Variants in KIAA0232 observed in about 807,000 individuals in gnomAD.
The protein encoded by KIAA0232 is KIAA0232.
KIAA0232 carries 27 observed loss-of-function variants against 122.0 expected under a neutral mutation model. The ratio of observed to expected loss-of-function variants is 0.22; its 90% confidence interval spans 0.16 to 0.31. KIAA0232 has a LOEUF of 0.31. Among genes scored for constraint, KIAA0232 ranks in the 10% least tolerant of loss-of-function variants. The pLI, the probability that KIAA0232 is intolerant of heterozygous loss-of-function variation, is 1.00. For missense variants in KIAA0232, 1,551 were observed against 1,634.2 expected, an observed-to-expected ratio of 0.95 and a Z score of 0.88; for synonymous variants, 613 against 587.6, an observed-to-expected ratio of 1.04 and a Z score of -0.63.
chr4:6,847,869 A>AG (rs1269895612), intron 4 of KIAA0232, among the ~76,000 whole-genome samples: 1 of 151,860 alleles, frequency 6.6e-6, no homozygotes, highest in Non-Finnish European at 1.5e-5. Context: ...CCTTAAAAAA[A>AG]AAAACTACTT....
Position 6,862,452 on chromosome 4 carries a change from A to G in KIAA0232, c.2070A>G (p.Ile690Met), listed in dbSNP as rs1363822473. The G allele has an allele frequency of 1.2e-6, 2 of 1,614,204 alleles. No homozygotes were observed. Among genetic ancestry groups the G allele is most frequent in the South Asian group, 1.1e-5 (1 of 91,090 alleles). Residue 690 changes from isoleucine to methionine, a missense_variant, in exon 7 of 10, where the codon ATA becomes ATG. Physicochemically the swap from Ile to Met is conservative, Grantham distance 10 (BLOSUM62 1). Around this residue, in one of 5 missense-constraint regions of KIAA0232, gnomAD observed 1,108 missense variants for 1,154.8 expected, o/e 0.96. Transcript: ENST00000307659. The stretch of plus-strand genomic sequence containing the variant: ...GGAAAACACAGTCTAGATTGCTAAT[A>G]TGGACCAAAAATAGTGCCTTTGAAG... ...MLGKTQSRLL[I>M]WTKNSAFEEN...
At chr4:6,791,699 C>G (rs558030870) in intron 1 of KIAA0232, among the ~76,000 whole-genome samples, 21 of 152,102 alleles carry the variant, frequency 1.4e-4, no homozygotes, top group South Asian at 2.1e-4. Context: ...ATTCATCTTG[C>G]CTTGAAGACC....
Position 6,855,787 on chromosome 4 carries a change from T to C in KIAA0232, c.370-1377T>C, listed in dbSNP as rs1414095275. Reference sequence around the variant, plus strand: ...CCCTAGGTTTAGAAACCTAGTGACATAGGCTTGCTGTACAGAACAGTATGC... The same window carrying C: ...CCCTAGGTTTAGAAACCTAGTGACACAGGCTTGCTGTACAGAACAGTATGC... On this transcript the variant is annotated intron_variant, in intron 4 of 9. Coordinates refer to ENST00000307659, the MANE Select transcript of KIAA0232 (RefSeq NM_014743.3). The surrounding 1 kb of genome is among the most constrained non-coding windows in gnomAD (Gnocchi z 4.3). 7.3e-6 allele frequency: 7 copies of C among 956,080 alleles called. No individual in the cohort carries two copies. The highest frequency in any genetic ancestry group is 6.2e-6 in the Non-Finnish European group (5 of 803,188). The allele number at this position is 956,080 out of a possible 1,614,324, so 59.2% of individuals were successfully genotyped here.
intron 1 of KIAA0232, among the ~76,000 whole-genome samples, chr4:6,791,936 A>G (rs111874170): frequency 0.031 from 4,751 of 152,222 alleles, 224 homozygotes; most frequent in African/African-American, 0.11. Flanking sequence ...TGCTGTTCTC[A>G]TGATAGTGAA....
Position 6,855,886 on chromosome 4 carries a change from C to G in KIAA0232, c.370-1278C>G. ...AATATAATTGCCGTCCTTGTCACAC[C>G]TTGAGCATTATGGTAAGCAGGTGCT... is the stretch of plus-strand genomic sequence containing the variant. On this transcript the variant is annotated intron_variant, in intron 4 of 9. Coordinates refer to ENST00000307659, the MANE Select transcript of KIAA0232 (RefSeq NM_014743.3). The surrounding 1 kb of genome is among the most constrained non-coding windows in gnomAD (Gnocchi z 4.3). 1.0e-6 allele frequency: 1 copy of G among 984,734 alleles called. No individual in the cohort carries two copies. The highest frequency in any genetic ancestry group is 1.2e-6 in the Non-Finnish European group (1 of 829,316). 61.0% of individuals were successfully genotyped at this position (984,734 alleles called of 1,614,324 possible). A position where few individuals can be genotyped will look rare whatever the true frequency, so the allele number is the denominator to read the frequency against.
At chr4:6,875,497 G>T (rs948610218) in intron 8 of KIAA0232, among the ~76,000 whole-genome samples, 4 of 152,196 alleles carry the variant, frequency 2.6e-5, no homozygotes, top group Non-Finnish European at 4.4e-5. Flanking sequence ...CTTCCATGTG[G>T]CCAGTGCAGC....
rs1721010299 is a variant in KIAA0232 at position 6,863,603 on chromosome 4, C to T, written c.3221C>T (p.Ser1074Leu). ...ASFSPSFKPK[S>L]ILCSDSDSEV... ...TTCAGCCCCAGTTTTAAACCGAAAT[C>T]AATCCTCTGTTCTGATTCAGACAGT... Residue 1074 changes from serine to leucine, a missense_variant, in exon 7 of 10, where the codon TCA becomes TTA. This residue lies in a region of KIAA0232 where 1,108 missense variants were observed against 1,154.8 expected (regional missense o/e 0.96). Transcript: ENST00000307659. The T allele has an allele frequency of 6.2e-7, 1 of 1,614,176 alleles. No homozygotes were observed. Among genetic ancestry groups the T allele is most frequent in the Non-Finnish European group, 8.5e-7 (1 of 1,180,030 alleles).
At chr4:6,832,494 G>A (rs550535936) in intron 3 of KIAA0232, among the ~76,000 whole-genome samples, 19 of 151,794 alleles carry the variant, frequency 1.3e-4, no homozygotes, top group South Asian at 4.2e-4. Flanking sequence ...CATTACAGGC[G>A]CCCACCACCA....
chr4:6,792,901 T>A (rs927958748), intron 1 of KIAA0232, among the ~76,000 whole-genome samples: 3 of 151,976 alleles, frequency 2.0e-5, no homozygotes, highest in African/African-American at 4.8e-5. Context: ...CATGTTAGAA[T>A]GGTCTCGATC....
intron 4 of KIAA0232, among the ~76,000 whole-genome samples, chr4:6,845,712 TC>T (rs1185109082): frequency 6.6e-6 from 1 of 152,044 alleles, no homozygotes; most frequent in African/African-American, 2.4e-5. Flanking sequence ...TGAGAAAGGA[TC>T]TTATTTCTTC....
intron 1 of KIAA0232, among the ~76,000 whole-genome samples, chr4:6,784,959 A>C (rs529247468): frequency 8.7e-6 from 1 of 114,546 alleles, no homozygotes; most frequent in Non-Finnish European, 1.7e-5. Flanking sequence ...TTTTTTTTTG[A>C]GACGGAGTCT....
chr4:6,809,131 G>A (rs1161819017), intron 2 of KIAA0232, among the ~76,000 whole-genome samples: 5 of 152,188 alleles, frequency 3.3e-5, no homozygotes, highest in Admixed American at 6.5e-5. Flanking sequence ...TAGTGTTTCA[G>A]CCGTGTCTGT....
chr4:6,819,461 T>A (rs1718316629), intron 2 of KIAA0232, among the ~76,000 whole-genome samples: 1 of 152,002 alleles, frequency 6.6e-6, no homozygotes, highest in Admixed American at 6.5e-5. Flanking sequence ...AACAGACAAT[T>A]TTCAAAAGAA....
chr4:6,810,274 A>G (rs1365264058), intron 2 of KIAA0232, among the ~76,000 whole-genome samples: 1 of 152,206 alleles, frequency 6.6e-6, no homozygotes, highest in African/African-American at 2.4e-5. Flanking sequence ...ATTAAGCCAC[A>G]TATTTATAGC....
At chr4:6,850,665 G>C (rs894195915) in intron 4 of KIAA0232, among the ~76,000 whole-genome samples, 4 of 151,642 alleles carry the variant, frequency 2.6e-5, no homozygotes, top group Non-Finnish European at 5.9e-5. Flanking sequence ...AAGTAGAAAG[G>C]AACATTCTTT....
intron 4 of KIAA0232, among the ~76,000 whole-genome samples, chr4:6,851,095 A>T (rs1177651904): frequency 6.6e-6 from 1 of 152,198 alleles, no homozygotes; most frequent in African/African-American, 2.4e-5. Flanking sequence ...TATAGACTGG[A>T]GTATTTGATG....
intron 3 of KIAA0232, among the ~76,000 whole-genome samples, chr4:6,834,380 G>C (rs1342829177): frequency 1.3e-5 from 2 of 152,208 alleles, no homozygotes; most frequent in Non-Finnish European, 2.9e-5. Context: ...CACAAAGTAA[G>C]TGCTCAGTAA....
At chr4:6,823,784 T>C (rs1226810776) in intron 2 of KIAA0232, among the ~76,000 whole-genome samples, 2 of 152,194 alleles carry the variant, frequency 1.3e-5, no homozygotes, top group Non-Finnish European at 2.9e-5. Flanking sequence ...TGAATTTTCA[T>C]TTATTTTAAA....
At chr4:6,843,420 C>T (rs190071781) in intron 4 of KIAA0232, among the ~76,000 whole-genome samples, 54 of 152,268 alleles carry the variant, frequency 3.5e-4, no homozygotes, top group African/African-American at 1.3e-3. Flanking sequence ...CTGATGCAAA[C>T]GGTTTTTAAG....
Sources: allele counts gnomAD v4.1 joint callset (sites outside exome capture counted in the v4.1 genomes callset), GRCh38; gene constraint gnomAD v4.1.1; regional missense constraint gnomAD v4.1.1; non-coding constraint Gnocchi (gnomAD v3.1); transcripts MANE v1.5; gene names NCBI Gene and HGNC (gene_info 2026-07-23, HGNC 2026-07-21).